Variants in IPO11 observed in about 807,000 individuals in gnomAD.
IPO11 encodes importin 11, also known as importin-11.
A neutral mutation model predicts 143.2 loss-of-function variants in IPO11; 66 were observed. The ratio of observed to expected loss-of-function variants is 0.46; its 90% CI spans 0.38 to 0.57. The LOEUF (loss-of-function observed/expected upper bound fraction) is 0.57, where lower values mean the gene tolerates loss of function less well. IPO11 is among the 20% of genes least tolerant of loss of function. IPO11 has a pLI of 0.00. For synonymous variants in IPO11, 385 were observed against 377.8 expected, an observed-to-expected ratio of 1.02 and a Z score of -0.22; for missense variants, 1,026 against 1,141.0, an observed-to-expected ratio of 0.90 and a Z score of 1.45.
intron 12 of IPO11, among the ~76,000 whole-genome samples, chr5:62,486,556 G>A (rs1189636263): frequency 6.6e-6 from 1 of 151,978 alleles, no homozygotes; most frequent in Non-Finnish European, 1.5e-5. Context: ...CAAATGTTTT[G>A]CCGTTACCAG....
rs1400449473 is a variant in IPO11 at position 62,526,002 on chromosome 5, T to C, written c.1897-140T>C. On this transcript the variant is annotated intron_variant, in intron 20 of 29. Coordinates refer to ENST00000325324, the MANE Select transcript of IPO11 (RefSeq NM_016338.5). ...TTATAAACAGAACTTTGTTTTGCTA[T>C]TACTTGTAATTAGGACCTTCCTAAA... 4 of 632,928 alleles carry C rather than the reference T, an allele frequency of 6.3e-6. No individual in the cohort carries two copies. In the African/African-American group the frequency reaches 7.4e-5, roughly 12 times the overall value. The allele number at this position is 632,928 out of a possible 1,614,324, so 39.2% of individuals were successfully genotyped here.
chr5:62,596,170 G>A (rs1236080479), intron 28 of IPO11, among the ~76,000 whole-genome samples: 2 of 150,058 alleles, frequency 1.3e-5, no homozygotes, highest in Non-Finnish European at 2.9e-5. Context: ...TTGGGAGGCT[G>A]AGGTGGGAAG....
At chr5:62,471,148 T>A (rs2112200425) in intron 7 of IPO11, among the ~76,000 whole-genome samples, 1 of 151,278 alleles carries the variant, frequency 6.6e-6, no homozygotes, top group East Asian at 1.9e-4. Context: ...TTTTTTTTTT[T>A]TAAAATAAAT....
intron 1 of IPO11, among the ~76,000 whole-genome samples, chr5:62,415,293 A>G (rs1743252521): frequency 6.6e-6 from 1 of 151,034 alleles, no homozygotes; most frequent in Non-Finnish European, 1.5e-5. Flanking sequence ...CCTCCAGAGT[A>G]GCTAGGATTA....
At chr5:62,429,354 T>G (rs917503330) in intron 1 of IPO11, among the ~76,000 whole-genome samples, 1 of 152,194 alleles carries the variant, frequency 6.6e-6, no homozygotes, top group African/African-American at 2.4e-5. Context: ...ATTTCATTCC[T>G]TTTTAGGTGA....
chr5:62,627,848 A>T lies in IPO11; in HGVS notation c.*530A>T, dbSNP rs1420762221. Reference sequence around the variant, plus strand: ...CATTACCAAGCTTATCTTGCAAGGGAGTTATTTTCATCTAACATAGAAAGT... The same window carrying T: ...CATTACCAAGCTTATCTTGCAAGGGTGTTATTTTCATCTAACATAGAAAGT... On this transcript the variant is annotated 3_prime_UTR_variant, in exon 30 of 30. Transcript: ENST00000325324. The T allele has an allele frequency of 2.6e-5, 4 of 152,666 alleles. No individual in the cohort carries two copies. The highest frequency in any genetic ancestry group is 5.9e-5 in the Non-Finnish European group (4 of 68,052). The allele number at this position is 152,666 out of a possible 1,614,324, so 9.5% of individuals were successfully genotyped here. A position where few individuals can be genotyped will look rare whatever the true frequency, so the allele number is the denominator to read the frequency against.
chr5:62,454,367 CT>C (rs1269238847), intron 5 of IPO11, among the ~76,000 whole-genome samples: 1 of 152,122 alleles, frequency 6.6e-6, no homozygotes, highest in Admixed American at 6.5e-5. Flanking sequence ...CTAGGACTTA[CT>C]TTTTTGTTGG....
intron 1 of IPO11, among the ~76,000 whole-genome samples, chr5:62,435,170 A>G (rs71592697): frequency 0.078 from 8,013 of 102,964 alleles, 838 homozygotes; most frequent in South Asian, 0.13. Context: ...ATGTATATAT[A>G]TGTATATATG....
chr5:62,566,006 A>T (rs903168039), intron 27 of IPO11, among the ~76,000 whole-genome samples: 2 of 152,006 alleles, frequency 1.3e-5, no homozygotes, highest in Non-Finnish European at 2.9e-5. Context: ...TATGTGCCAC[A>T]TTTCCTTTAT....
chr5:62,487,315 G>A (rs1580236691), intron 12 of IPO11, among the ~76,000 whole-genome samples: 2 of 152,126 alleles, frequency 1.3e-5, no homozygotes, highest in African/African-American at 4.8e-5. Context: ...GGAATCGCTT[G>A]AACCTGGGAG....
At chr5:62,601,982 A>C in intron 29 of IPO11, 134 bp downstream of exon 29, 1 of 525,204 alleles carries the variant, frequency 1.9e-6, no homozygotes, top group Non-Finnish European at 3.4e-6. Flanking sequence ...GAATTAATGT[A>C]AGGTGTACCC....
chr5:62,506,378 G>A, intron 19 of IPO11, 21 bp downstream of exon 19: 1 of 1,188,514 alleles, frequency 8.4e-7, no homozygotes, highest in Middle Eastern at 2.1e-4. Context: ...TGTAAAACAT[G>A]AAAATAAATG....
chr5:62,598,527 TTTTCTTTC>T lies in IPO11; in HGVS notation c.2679-3233_2679-3226del, dbSNP rs372622354. Among the ~76,000 whole-genome samples, 5 of 6,888 alleles carry T rather than the reference TTTTCTTTC, an allele frequency of 7.3e-4. 1 individual carries two copies. The South Asian group carries it at 0.027, about 37-fold the overall frequency. The allele number at this position is 6,888 out of a possible 152,430, so 4.5% of individuals were successfully genotyped here. On this transcript the variant is annotated intron_variant, in intron 28 of 29. Coordinates refer to ENST00000325324, the MANE Select transcript of IPO11 (RefSeq NM_016338.5). The stretch of plus-strand genomic sequence containing the variant: ...CTTTCTTTCTTTCTTTCTTTCTTTC[TTTTCTTTC>T]TTTTCTTTCTTTTCTTTCTTTTTTT...
At chr5:62,558,797 A>C (rs1203410884) in intron 26 of IPO11, among the ~76,000 whole-genome samples, 2 of 152,300 alleles carry the variant, frequency 1.3e-5, no homozygotes, top group Admixed American at 1.3e-4. Flanking sequence ...TTAAAATGAG[A>C]GTATTATTAC....
At chr5:62,541,717 TA>T (rs1742951961) in intron 24 of IPO11, among the ~76,000 whole-genome samples, 1 of 152,156 alleles carries the variant, frequency 6.6e-6, no homozygotes, top group Non-Finnish European at 1.5e-5. Flanking sequence ...TATTTTATTT[TA>T]TTTTTTTTGG....
At chr5:62,586,365 A>T (rs1212842190) in intron 27 of IPO11, among the ~76,000 whole-genome samples, 1 of 152,098 alleles carries the variant, frequency 6.6e-6, no homozygotes, top group Non-Finnish European at 1.5e-5. Context: ...CCCTTTGATC[A>T]TGTAACACTG....
chr5:62,613,331 T>C (rs1745999855), intron 29 of IPO11, among the ~76,000 whole-genome samples: 1 of 86,404 alleles, frequency 1.2e-5, no homozygotes, highest in African/African-American at 4.4e-5. Context: ...TGAGGCAGAA[T>C]CTTATTTTCT....
chr5:62,599,178 G>A (rs1369205037), intron 28 of IPO11, among the ~76,000 whole-genome samples: 1 of 152,196 alleles, frequency 6.6e-6, no homozygotes, highest in Non-Finnish European at 1.5e-5. Context: ...TCAAGTGGTT[G>A]AGCTGAAAAC....
At chr5:62,485,310 A>G (rs891279555) in intron 11 of IPO11, 109 bp from the exon 12 acceptor site, 13 of 828,216 alleles carry the variant, frequency 1.6e-5, no homozygotes, top group African/African-American at 8.6e-5. Flanking sequence ...CTTTGCTCTT[A>G]ATGTTATGTT....
Sources: gnomAD v4.1 joint callset for allele counts (sites outside exome capture counted in the v4.1 genomes callset) on GRCh38, gnomAD v4.1.1 for gene constraint, MANE v1.5 for transcripts, NCBI Gene and HGNC (gene_info 2026-07-23, HGNC 2026-07-21) for gene names.